Variants in NUDT9 observed in about 807,000 individuals in gnomAD.
The protein encoded by NUDT9 is nudix hydrolase 9, also known as ADP-ribose pyrophosphatase.
A neutral mutation model predicts 41.0 loss-of-function variants in NUDT9; 31 were observed. The observed-to-expected ratio is 0.76, with a 90% CI of 0.57 to 1.02. NUDT9 has a LOEUF of 1.02. Ranked by LOEUF, NUDT9 falls within the 50% of genes least tolerant of loss-of-function variation. The pLI is 0.00. For missense variants in NUDT9, 380 were observed against 431.4 expected, an observed-to-expected ratio of 0.88 and a Z score of 1.06; for synonymous variants, 146 against 147.6, an observed-to-expected ratio of 0.99 and a Z score of 0.08.
Position 87,445,118 on chromosome 4 carries a change from T to C in NUDT9, c.530+3203T>C, listed in dbSNP as rs528033449. 2.6e-5 allele frequency among the ~76,000 whole-genome samples: 4 copies of C among 152,286 alleles called. No individual in the cohort carries two copies. In the East Asian group the frequency reaches 7.7e-4, roughly 29 times the overall value. ...CAGTGCTATCATTAGTTTTTCTATTTGTTTTTCACAGAAGCCCCTCCAAGT... is the reference window on the plus strand; with the variant it reads ...CAGTGCTATCATTAGTTTTTCTATTCGTTTTTCACAGAAGCCCCTCCAAGT... On this transcript the variant is annotated intron_variant, in intron 4 of 7. Coordinates refer to ENST00000302174, the MANE Select transcript of NUDT9 (RefSeq NM_024047.5).
intron 6 of NUDT9, among the ~76,000 whole-genome samples, chr4:87,452,258 C>T (rs1216001947): frequency 6.6e-6 from 1 of 152,154 alleles, no homozygotes; most frequent in Non-Finnish European, 1.5e-5. Flanking sequence ...CCGCCTCGGC[C>T]TCCCAAAGTG....
chr4:87,426,577 T>A (rs943799892), intron 1 of NUDT9, among the ~76,000 whole-genome samples: 2 of 151,688 alleles, frequency 1.3e-5, no homozygotes, highest in Admixed American at 6.6e-5. Context: ...GCCTAGCTAA[T>A]TTTTTTGTAT....
intron 1 of NUDT9, among the ~76,000 whole-genome samples, chr4:87,428,867 C>T (rs1037342684): frequency 3.9e-5 from 6 of 152,142 alleles, no homozygotes; most frequent in Admixed American, 2.0e-4. Flanking sequence ...CGGAGCCATA[C>T]GTTTGTTAAA....
chr4:87,448,138 ATTTTT>A (rs1213818782), intron 4 of NUDT9, among the ~76,000 whole-genome samples: 1 of 92,384 alleles, frequency 1.1e-5, no homozygotes, highest in Non-Finnish European at 2.0e-5. Flanking sequence ...TTAAAAGCAA[ATTTTT>A]TTTTTTTTTT....
intron 1 of NUDT9, among the ~76,000 whole-genome samples, chr4:87,427,084 CAT>C (rs1305004983): frequency 7.0e-6 from 1 of 142,384 alleles, no homozygotes; most frequent in Non-Finnish European, 1.5e-5. Context: ...TGTACCAATG[CAT>C]GCCAGCCTGG....
At chr4:87,457,218 A>AT (rs1352531430) in intron 7 of NUDT9, among the ~76,000 whole-genome samples, 6 of 148,966 alleles carry the variant, frequency 4.0e-5, no homozygotes, top group African/African-American at 1.2e-4. Flanking sequence ...CTTATTTTTT[A>AT]TTTTTTTGAT....
rs1417115980 is a variant in NUDT9, at chr4:87,441,928, A to G, written c.530+13A>G. ...CCATTATAACCAGGTAAGAACCAAT[A>G]AAAAGCATATCAGTAGCAAAGAGCT... On this transcript the variant is annotated intron_variant, in intron 4 of 7. Coordinates refer to ENST00000302174, the MANE Select transcript of NUDT9 (RefSeq NM_024047.5). The G allele has an allele frequency of 1.9e-6, 3 of 1,577,290 alleles. No homozygotes were observed. The African/African-American group carries it at 4.1e-5, about 22-fold the overall frequency.
intron 1 of NUDT9, among the ~76,000 whole-genome samples, chr4:87,425,820 T>C (rs577065739): frequency 1.8e-4 from 27 of 151,934 alleles, no homozygotes; most frequent in African/African-American, 6.3e-4. Flanking sequence ...GTTTCCAATG[T>C]TCATTTTCTT....
At chr4:87,436,843 A>G (rs544140158) in intron 2 of NUDT9, among the ~76,000 whole-genome samples, 2 of 152,356 alleles carry the variant, frequency 1.3e-5, no homozygotes, top group East Asian at 3.9e-4. Context: ...AACCTGTTTC[A>G]GAACTGCCCA....
intron 1 of NUDT9, among the ~76,000 whole-genome samples, chr4:87,423,980 T>C (rs527302096): frequency 2.0e-5 from 3 of 152,348 alleles, no homozygotes; most frequent in South Asian, 4.1e-4. Context: ...GTGTGAACTG[T>C]AAAATTATTA....
intron 4 of NUDT9, among the ~76,000 whole-genome samples, chr4:87,445,687 A>G (rs556389055): frequency 6.6e-6 from 1 of 152,358 alleles, no homozygotes; most frequent in East Asian, 1.9e-4. Flanking sequence ...GCAATAGGGC[A>G]TAGAAATATT....
intron 7 of NUDT9, among the ~76,000 whole-genome samples, chr4:87,457,535 T>C (rs1223725998): frequency 7.2e-5 from 11 of 152,340 alleles, no homozygotes; most frequent in Admixed American, 6.5e-4. Flanking sequence ...CCTCTTGGAC[T>C]GATTTTGATG....
rs1225202904 is a variant in NUDT9 at position 87,454,467 on chromosome 4, T to G, written c.874+12T>G. 1.3e-6 allele frequency: 2 copies of G among 1,517,186 alleles called. No homozygotes were observed. Among genetic ancestry groups the G allele is most frequent in the South Asian group, 1.1e-5 (1 of 89,110 alleles). 94.0% of individuals were successfully genotyped at this position (1,517,186 alleles called of 1,614,324 possible). On this transcript the variant is annotated intron_variant, in intron 7 of 7. Coordinates refer to ENST00000302174, the MANE Select transcript of NUDT9 (RefSeq NM_024047.5). ...CCATGACGAAACAGGTAACTTTATA[T>G]TTATTAAACTGGCTGGGATTAAAGG... is the stretch of plus-strand genomic sequence containing the variant.
chr4:87,433,708 A>G (rs936072230), intron 1 of NUDT9, among the ~76,000 whole-genome samples: 6 of 152,220 alleles, frequency 3.9e-5, no homozygotes, highest in African/African-American at 1.4e-4. Context: ...AATAATTAGA[A>G]GTCATTTAAC....
chr4:87,447,476 G>GTTTTTTT, intron 4 of NUDT9, among the ~76,000 whole-genome samples: 1 of 143,164 alleles, frequency 7.0e-6, no homozygotes, highest in Non-Finnish European at 1.5e-5. Flanking sequence ...AGCATTGGAA[G>GTTTTTTT]TTTTTTTTTT....
At position 87,451,485 on chromosome 4, in the gene NUDT9, T is replaced by TA; in HGVS notation, c.643-103dup. 3.4e-6 allele frequency: 3 copies of TA among 879,896 alleles called. No individual in the cohort carries two copies. The South Asian group carries it at 5.3e-5, about 15-fold the overall frequency. 54.5% of individuals were successfully genotyped at this position (879,896 alleles called of 1,614,324 possible). A position where few individuals can be genotyped will look rare whatever the true frequency, so the allele number is the denominator to read the frequency against. On this transcript the variant is annotated intron_variant, in intron 5 of 7. Transcript: ENST00000302174. Reference sequence around the variant, plus strand: ...ATCACAGAGAAATGGGGATCACTATTATAGGCAGATTGAATAATAAATGTT... The same window carrying TA: ...ATCACAGAGAAATGGGGATCACTATTAATAGGCAGATTGAATAATAAATGTT...
At chr4:87,444,438 A>G (rs945659155) in intron 4 of NUDT9, among the ~76,000 whole-genome samples, 1 of 151,874 alleles carries the variant, frequency 6.6e-6, no homozygotes, top group African/African-American at 2.4e-5. Flanking sequence ...CCATCCACTT[A>G]CTCACCCATT....
intron 1 of NUDT9, among the ~76,000 whole-genome samples, chr4:87,434,657 G>A (rs1721836374): frequency 6.6e-6 from 1 of 150,822 alleles, no homozygotes; most frequent in South Asian, 2.1e-4. Context: ...TTGAGATGGA[G>A]TTTTCACTCC....
At chr4:87,453,701 T>C (rs1269733448) in intron 6 of NUDT9, among the ~76,000 whole-genome samples, 2 of 152,130 alleles carry the variant, frequency 1.3e-5, no homozygotes, top group African/African-American at 4.8e-5. Flanking sequence ...GTGCTGGTAT[T>C]ACAGGCATGA....
Sources: gnomAD v4.1 joint callset for allele counts (sites outside exome capture counted in the v4.1 genomes callset) on GRCh38, gnomAD v4.1.1 for gene constraint, MANE v1.5 for transcripts, NCBI Gene and HGNC (gene_info 2026-07-23, HGNC 2026-07-21) for gene names.